The following TCF7L2 variants were observed in gnomAD, a reference collection of about 807,000 sequenced individuals.
The protein encoded by TCF7L2 is transcription factor 7-like 2.
TCF7L2 carries 23 observed loss-of-function variants against 77.9 expected under a neutral mutation model. That is an observed-to-expected ratio of 0.30 (90% CI 0.21 to 0.42). The LOEUF is 0.42. Ranked by LOEUF, TCF7L2 falls within the 10% of genes least tolerant of loss-of-function variation. TCF7L2 has a pLI of 1.00. For synonymous variants in TCF7L2, 413 were observed against 340.2 expected (o/e 1.21, Z -2.36); for missense variants, 654 against 793.1 (o/e 0.82, Z 2.11).
rs981792748 is a variant in TCF7L2 at position 113,151,580 on chromosome 10, G to A, written c.1002-145G>A. On this transcript the variant is annotated intron_variant, in intron 9 of 13. Transcript: ENST00000627217. This position sits in a 1 kb window ranked among gnomAD's most constrained non-coding sequence, Gnocchi z 5.2. Reference sequence around the variant, plus strand: ...CCAAGCTATTTTTGTTCCATTTTCCGGGGTGCAGAAGAACTAAAAGCATGC... The same window carrying A: ...CCAAGCTATTTTTGTTCCATTTTCCAGGGTGCAGAAGAACTAAAAGCATGC... The A allele has an allele frequency of 9.0e-6, 9 of 997,874 alleles. No homozygotes were observed. The highest frequency in any genetic ancestry group is 5.7e-5 in the East Asian group (2 of 35,290). The allele number at this position is 997,874 out of a possible 1,614,324, so 61.8% of individuals were successfully genotyped here. A position where few individuals can be genotyped will look rare whatever the true frequency, so the allele number is the denominator to read the frequency against.
chr10:113,148,154 A>G (rs936830355), intron 8 of TCF7L2, among the ~76,000 whole-genome samples: 1 of 152,148 alleles, frequency 6.6e-6, no homozygotes, highest in African/African-American at 2.4e-5. Flanking sequence ...ATTATACTTT[A>G]AACACCATGG....
At chr10:113,070,929 G>A (rs1591311500) in intron 5 of TCF7L2, among the ~76,000 whole-genome samples, 2 of 152,072 alleles carry the variant, frequency 1.3e-5, no homozygotes, top group African/African-American at 4.8e-5. Context: ...TCTCCTAGTA[G>A]CCACTCCCCA....
intron 3 of TCF7L2, among the ~76,000 whole-genome samples, chr10:112,961,775 T>G: frequency 7.1e-6 from 1 of 140,204 alleles, no homozygotes; most frequent in African/African-American, 2.7e-5. Context: ...GGTGTGTTTG[T>G]GAGCTGGGTG....
chr10:113,000,348 G>A (rs1276717759), intron 4 of TCF7L2, among the ~76,000 whole-genome samples: 1 of 152,164 alleles, frequency 6.6e-6, no homozygotes, highest in Non-Finnish European at 1.5e-5. Context: ...ACACTACTTT[G>A]TAGGTTCTGG....
intron 5 of TCF7L2, among the ~76,000 whole-genome samples, chr10:113,105,818 C>T (rs1485166374): frequency 6.6e-6 from 1 of 152,188 alleles, no homozygotes; most frequent in Non-Finnish European, 1.5e-5. Flanking sequence ...CTTAAAAGCA[C>T]CATAAGCTGG....
intron 5 of TCF7L2, among the ~76,000 whole-genome samples, chr10:113,054,739 G>T (rs565521806): frequency 6.6e-6 from 1 of 151,208 alleles, no homozygotes; most frequent in Admixed American, 6.6e-5. Context: ...TATACTTTTC[G>T]ACATCTATTT....
chr10:113,161,169 T>C, intron 13 of TCF7L2: 1 of 232,390 alleles, frequency 4.3e-6, no homozygotes, highest in East Asian at 1.0e-4. Context: ...TTTTTCCTTT[T>C]TGGTTGTTTT....
At chr10:113,081,188 GAT>G (rs2059281710) in intron 5 of TCF7L2, among the ~76,000 whole-genome samples, 2 of 152,162 alleles carry the variant, frequency 1.3e-5, no homozygotes, top group South Asian at 4.1e-4. Context: ...TTTTGTAAGA[GAT>G]ATGTTGGCTT....
intron 4 of TCF7L2, among the ~76,000 whole-genome samples, chr10:112,976,954 G>A (rs991295039): frequency 1.3e-5 from 2 of 149,106 alleles, no homozygotes; most frequent in African/African-American, 4.9e-5. Flanking sequence ...GAGGTTAGTT[G>A]GCTTTTAAAA....
chr10:113,097,569 C>CCTGAACCTGG (rs2061139958), intron 5 of TCF7L2, among the ~76,000 whole-genome samples: 1 of 143,616 alleles, frequency 7.0e-6, no homozygotes, highest in Non-Finnish European at 1.5e-5. Flanking sequence ...AGAAGAATCA[C>CCTGAACCTGG]CTGAACCTGG....
At chr10:113,130,522 C>T (rs150968544) in intron 5 of TCF7L2, among the ~76,000 whole-genome samples, 9 of 152,142 alleles carry the variant, frequency 5.9e-5, no homozygotes, top group Non-Finnish European at 1.0e-4. Context: ...TCTGTTGCTC[C>T]GTCTTTAGTT....
At chr10:113,033,610 T>C (rs1310093721) in intron 4 of TCF7L2, among the ~76,000 whole-genome samples, 1 of 152,216 alleles carries the variant, frequency 6.6e-6, no homozygotes. Flanking sequence ...TTCTGAGATC[T>C]TTGGTTTTCT....
chr10:113,107,156 T>A (rs941286704), intron 5 of TCF7L2, among the ~76,000 whole-genome samples: 3 of 152,132 alleles, frequency 2.0e-5, no homozygotes, highest in Admixed American at 1.3e-4. Context: ...AATGTTAAAC[T>A]GGGCCTGGAA....
At chr10:113,000,184 A>C (rs531542695) in intron 4 of TCF7L2, among the ~76,000 whole-genome samples, 1 of 152,206 alleles carries the variant, frequency 6.6e-6, no homozygotes. Flanking sequence ...ACACTTGAGT[A>C]GCCTTCCAGA....
intron 5 of TCF7L2, among the ~76,000 whole-genome samples, chr10:113,066,496 C>A (rs182463920): frequency 6.6e-6 from 1 of 152,052 alleles, no homozygotes; most frequent in Non-Finnish European, 1.5e-5. Flanking sequence ...AGAAACAATG[C>A]GAGTCTTCAA....
intron 4 of TCF7L2, among the ~76,000 whole-genome samples, chr10:113,030,650 ATTAT>A (rs1010504388): frequency 6.6e-6 from 1 of 152,166 alleles, no homozygotes; most frequent in African/African-American, 2.4e-5. Context: ...GCAAGCATCC[ATTAT>A]TTGTTAGTCA....
At chr10:113,098,158 A>G (rs1367533322) in intron 5 of TCF7L2, among the ~76,000 whole-genome samples, 1 of 151,582 alleles carries the variant, frequency 6.6e-6, no homozygotes, top group Admixed American at 6.6e-5. Flanking sequence ...TGGTAGGGGC[A>G]GCAGTGTCTG....
chr10:113,010,489 A>G (rs1215227583), intron 4 of TCF7L2, among the ~76,000 whole-genome samples: 1 of 152,168 alleles, frequency 6.6e-6, no homozygotes, highest in African/African-American at 2.4e-5. Context: ...CCGAACACCC[A>G]TGAAGCAGTC....
At chr10:113,065,052 A>T (rs2057061607) in intron 5 of TCF7L2, among the ~76,000 whole-genome samples, 1 of 152,120 alleles carries the variant, frequency 6.6e-6, no homozygotes, top group African/African-American at 2.4e-5. Flanking sequence ...TTCCATAGGG[A>T]AAAAAGGGCC....
Sources: allele counts gnomAD v4.1 joint callset (sites outside exome capture counted in the v4.1 genomes callset), GRCh38; gene constraint gnomAD v4.1.1; non-coding constraint Gnocchi (gnomAD v3.1); transcripts MANE v1.5; gene names NCBI Gene and HGNC (gene_info 2026-07-23, HGNC 2026-07-21).